Variants in PRSS16 observed in about 807,000 individuals in gnomAD.
The protein encoded by PRSS16 is thymus-specific serine protease.
PRSS16 carries 43 observed loss-of-function variants against 61.7 expected under a neutral mutation model. The ratio of observed to expected loss-of-function variants is 0.70; its 90% CI spans 0.55 to 0.90. The LOEUF is 0.90. PRSS16 is among the 40% of genes least tolerant of loss of function. The pLI, the probability that PRSS16 is intolerant of heterozygous loss-of-function variation, is 0.00. For synonymous variants in PRSS16, 273 were observed against 285.2 expected (o/e 0.96, Z 0.43); for missense variants, 591 against 659.1 (o/e 0.90, Z 1.13).
chr6:27,252,660 A>G lies in PRSS16; in HGVS notation c.1009-148A>G, dbSNP rs1046961771. On this transcript the variant is annotated intron_variant, in intron 8 of 11. Transcript: ENST00000230582. This position sits in a 1 kb window ranked among gnomAD's most constrained non-coding sequence, Gnocchi z 4.2. ...CTAACTCACAAGGACCCAGGCATCC[A>G]CCCCCTCTGACCACTGACTCCCAGG... 1 of 761,398 alleles carries G rather than the reference A, an allele frequency of 1.3e-6. No homozygotes were observed. The highest frequency in any genetic ancestry group is 1.8e-5 in the African/African-American group (1 of 56,976). The allele number at this position is 761,398 out of a possible 1,614,324, so 47.2% of individuals were successfully genotyped here.
rs987056136 is a variant in PRSS16, at chr6:27,252,891, A to G, written c.1092A>G (p.Gln364=). ...TVAQLRSTEP[Q]LSGVGDRQWL... ...CACAGCTGAGGAGCACAGAACCTCAACTGTCTGGTGTGGGTGACCGGCAGT... is the reference window on the plus strand; with the variant it reads ...CACAGCTGAGGAGCACAGAACCTCAGCTGTCTGGTGTGGGTGACCGGCAGT... The change falls in exon 9 of 12, where the codon CAA becomes CAG. Residue 364 remains glutamine (Q), a synonymous_variant. Transcript: ENST00000230582. The surrounding 1 kb of genome is among the most constrained non-coding windows in gnomAD (Gnocchi z 4.2). The G allele has an allele frequency of 4.3e-6, 7 of 1,614,102 alleles. No individual in the cohort carries two copies. Among genetic ancestry groups the G allele is most frequent in the African/African-American group, 2.7e-5 (2 of 74,938 alleles).
rs191407230 is a variant in PRSS16 at position 27,252,942 on chromosome 6, C to A, written c.1143C>A (p.Phe381Leu). ...GGTTGTATCAGACATGTACCGAGTT[C>A]GGCTTCTGTAAGTGACTGGCCTAAC... ...RQWLYQTCTE[F>L]GFYVTCENPR... The change falls in exon 9 of 12, where the codon TTC becomes TTA. Residue 381 changes from phenylalanine to leucine, a missense_variant. By Grantham distance (22) the Phe-to-Leu change is conservative (BLOSUM62 0). Coordinates refer to ENST00000230582, the MANE Select transcript of PRSS16 (RefSeq NM_005865.4). The surrounding 1 kb of genome is among the most constrained non-coding windows in gnomAD (Gnocchi z 4.2). The A allele has an allele frequency of 6.2e-7, 1 of 1,614,120 alleles. No homozygotes were observed. Among genetic ancestry groups the A allele is most frequent in the South Asian group, 1.1e-5 (1 of 91,074 alleles).
chr6:27,247,876 C>T lies in PRSS16; in HGVS notation c.71-6C>T. Reference sequence around the variant, plus strand: ...AGCCTGACTTCCTTCCCTCCATGTCCCACAGCCTCCCTTCTTAGGCGCCTG... The same window carrying T: ...AGCCTGACTTCCTTCCCTCCATGTCTCACAGCCTCCCTTCTTAGGCGCCTG... On this transcript the variant is annotated splice_region_variant and splice_polypyrimidine_tract_variant and intron_variant, in intron 1 of 11. Coordinates refer to ENST00000230582, the MANE Select transcript of PRSS16 (RefSeq NM_005865.4). 2 of 1,610,832 alleles carry T rather than the reference C, an allele frequency of 1.2e-6. No individual in the cohort carries two copies. Among genetic ancestry groups the T allele is most frequent in the South Asian group, 2.2e-5 (2 of 90,670 alleles).
In PRSS16 at chr6:27,250,812, G is replaced by A; in HGVS notation, c.591+6G>A. ...CCGCCTGGGCCCGGCTGAAGGTCCT[G>A]CGACTCCTCCGGGTGGGCTGGGGGG... On this transcript the variant is annotated splice_donor_region_variant and intron_variant, in intron 5 of 11. Transcript: ENST00000230582. 1 of 1,605,120 alleles carries A rather than the reference G, an allele frequency of 6.2e-7. No individual in the cohort carries two copies. Among genetic ancestry groups the A allele is most frequent in the Non-Finnish European group, 8.5e-7 (1 of 1,176,156 alleles).
At chr6:27,250,839 G>A (rs1351875755) in intron 5 of PRSS16, 33 bp downstream of exon 5, 2 of 1,585,388 alleles carry the variant, frequency 1.3e-6, no homozygotes, top group East Asian at 2.2e-5. Context: ...GCTGGGGGGA[G>A]GGAACTCGGA....
Position 27,252,131 on chromosome 6 carries a change from C to T in PRSS16, c.1008+91C>T. Reference sequence around the variant, plus strand: ...GTGATCTTGGGCAAGCGAGAACCTTCTCTGAAACTTCGTTTTCTCATCTGT... The same window carrying T: ...GTGATCTTGGGCAAGCGAGAACCTTTTCTGAAACTTCGTTTTCTCATCTGT... On this transcript the variant is annotated intron_variant, in intron 8 of 11. Coordinates refer to ENST00000230582, the MANE Select transcript of PRSS16 (RefSeq NM_005865.4). The surrounding 1 kb of genome is among the most constrained non-coding windows in gnomAD (Gnocchi z 4.2). The T allele has an allele frequency of 1.5e-6, 2 of 1,365,102 alleles. No individual in the cohort carries two copies. Among genetic ancestry groups the T allele is most frequent in the African/African-American group, 1.5e-5 (1 of 67,468 alleles). 84.6% of individuals were successfully genotyped at this position (1,365,102 alleles called of 1,614,324 possible). A position where few individuals can be genotyped will look rare whatever the true frequency, so the allele number is the denominator to read the frequency against.
Position 27,252,685 on chromosome 6 carries a change from GA to G in PRSS16, c.1009-122del, listed in dbSNP as rs1277274816. 2 of 1,046,970 alleles carry G rather than the reference GA, an allele frequency of 1.9e-6. No individual in the cohort carries two copies. Among genetic ancestry groups the G allele is most frequent in the Admixed American group, 2.3e-5 (1 of 44,300 alleles). The allele number at this position is 1,046,970 out of a possible 1,614,324, so 64.9% of individuals were successfully genotyped here. A position where few individuals can be genotyped will look rare whatever the true frequency, so the allele number is the denominator to read the frequency against. On this transcript the variant is annotated intron_variant, in intron 8 of 11. Transcript: ENST00000230582. The surrounding 1 kb of genome is among the most constrained non-coding windows in gnomAD (Gnocchi z 4.2). ...ACCCCCTCTGACCACTGACTCCCAG[GA>G]GAACTCAGGAACTCACCCTTCTATT...
At position 27,251,324 on chromosome 6, in the gene PRSS16, G is replaced by T; in HGVS notation, c.717+60G>T. 6.5e-7 allele frequency: 1 copy of T among 1,535,898 alleles called. No individual in the cohort carries two copies. On this transcript the variant is annotated intron_variant, in intron 7 of 11. Transcript: ENST00000230582. The surrounding 1 kb of genome is among the most constrained non-coding windows in gnomAD (Gnocchi z 5.6). ...AGGGAAAAGAGGCCTCGGATGCCAG[G>T]GAAGAGGAGGCCAGAGAAGGGCGAA...
Position 27,248,838 on chromosome 6 carries a change from A to G in PRSS16, c.238-9A>G, listed in dbSNP as rs769931775. The stretch of plus-strand genomic sequence containing the variant: ...AGTGCCATTTCTTCTTCCCCATCCC[A>G]CCTCTCAGCGTTACTGGGTGAATGA... On this transcript the variant is annotated splice_polypyrimidine_tract_variant and intron_variant, in intron 2 of 11. Transcript: ENST00000230582. 6.4e-6 allele frequency: 10 copies of G among 1,574,640 alleles called. No individual in the cohort carries two copies. Among genetic ancestry groups the G allele is most frequent in the Non-Finnish European group, 8.7e-6 (10 of 1,154,128 alleles).
In PRSS16 at chr6:27,248,964, G is replaced by C. The variant is rs375115069; in HGVS notation, c.337+18G>C. 6.3e-7 allele frequency: 1 copy of C among 1,590,712 alleles called. No homozygotes were observed. Among genetic ancestry groups the C allele is most frequent in the Non-Finnish European group, 8.6e-7 (1 of 1,163,740 alleles). ...GATGAGAGGTAAGAGGCAATGTTGGGGGAAAGGAGTTGGGATGCTGGTGGG... is the reference window on the plus strand; with the variant it reads ...GATGAGAGGTAAGAGGCAATGTTGGCGGAAAGGAGTTGGGATGCTGGTGGG... On this transcript the variant is annotated intron_variant, in intron 3 of 11. Transcript: ENST00000230582.
Position 27,252,078 on chromosome 6 carries a change from A to T in PRSS16, c.1008+38A>T. The T allele has an allele frequency of 6.9e-7, 1 of 1,451,460 alleles. No homozygotes were observed. The highest frequency in any genetic ancestry group is 9.0e-7 in the Non-Finnish European group (1 of 1,107,280). The allele number at this position is 1,451,460 out of a possible 1,614,324, so 89.9% of individuals were successfully genotyped here. ...TGGCACAGCTGGGAGGAGTTAGCGG[A>T]CAAAGATTCCTGCCCCACTTCCGTT... On this transcript the variant is annotated intron_variant, in intron 8 of 11. Coordinates refer to ENST00000230582, the MANE Select transcript of PRSS16 (RefSeq NM_005865.4). The surrounding 1 kb of genome is among the most constrained non-coding windows in gnomAD (Gnocchi z 4.2).
chr6:27,250,837 G>A (rs1759869429), intron 5 of PRSS16, 31 bp downstream of exon 5: 1 of 1,586,368 alleles, frequency 6.3e-7, no homozygotes, highest in East Asian at 2.2e-5. Flanking sequence ...GGGCTGGGGG[G>A]AGGGAACTCG....
Position 27,256,274 on chromosome 6 carries a change from T to TAGAAGTACCAAGCTAGAGAA in PRSS16, c.*959_*960insAGAAGTACCAAGCTAGAGAA, listed in dbSNP as rs1208503938. 2 of 152,708 alleles carry TAGAAGTACCAAGCTAGAGAA rather than the reference T, an allele frequency of 1.3e-5. No homozygotes were observed. Among genetic ancestry groups the TAGAAGTACCAAGCTAGAGAA allele is most frequent in the African/African-American group, 4.8e-5 (2 of 41,370 alleles). 9.5% of individuals were successfully genotyped at this position (152,708 alleles called of 1,614,324 possible). A position where few individuals can be genotyped will look rare whatever the true frequency, so the allele number is the denominator to read the frequency against. ...AATATCACTCCCTGGTACTTCCAGC[T>TAGAAGTACCAAGCTAGAGAA]TCCAACTCTAGGGATTCATGATTCT... On this transcript the variant is annotated 3_prime_UTR_variant, in exon 12 of 12. Coordinates refer to ENST00000230582, the MANE Select transcript of PRSS16 (RefSeq NM_005865.4).
rs192968631 is a variant in PRSS16, at chr6:27,255,772, T to G, written c.*457T>G. 21 of 158,940 alleles carry G rather than the reference T, an allele frequency of 1.3e-4. No homozygotes were observed. The highest frequency in any genetic ancestry group is 6.4e-3 in the Middle Eastern group (2 of 312). The allele number at this position is 158,940 out of a possible 1,614,324, so 9.8% of individuals were successfully genotyped here. A position where few individuals can be genotyped will look rare whatever the true frequency, so the allele number is the denominator to read the frequency against. ...CCTCTCTCTTTCCCCTGTCACTATT[T>G]GTCTTTCTAATCTCCTTCTGTTTCT... On this transcript the variant is annotated 3_prime_UTR_variant, in exon 12 of 12. Transcript: ENST00000230582. This position sits in a 1 kb window ranked among gnomAD's most constrained non-coding sequence, Gnocchi z 4.4.
rs1257368095 is a variant in PRSS16 at position 27,252,288 on chromosome 6, C to A, written c.1008+248C>A. 14 of 518,610 alleles carry A rather than the reference C, an allele frequency of 2.7e-5. No homozygotes were observed. In the South Asian group the frequency reaches 5.2e-4, roughly 19 times the overall value. The allele number at this position is 518,610 out of a possible 1,614,324, so 32.1% of individuals were successfully genotyped here. On this transcript the variant is annotated intron_variant, in intron 8 of 11. Coordinates refer to ENST00000230582, the MANE Select transcript of PRSS16 (RefSeq NM_005865.4). The surrounding 1 kb of genome is among the most constrained non-coding windows in gnomAD (Gnocchi z 4.2). ...GCGATTATTACCTATTTTGCCTATC[C>A]TGTCCTGTTCTCTTTTGGGGGGCCT...
chr6:27,255,216 T>G lies in PRSS16; in HGVS notation c.1477-31T>G, dbSNP rs2113739379. The G allele has an allele frequency of 6.2e-7, 1 of 1,613,974 alleles. No homozygotes were observed. On this transcript the variant is annotated intron_variant, in intron 11 of 11. Coordinates refer to ENST00000230582, the MANE Select transcript of PRSS16 (RefSeq NM_005865.4). The surrounding 1 kb of genome is among the most constrained non-coding windows in gnomAD (Gnocchi z 4.4). ...CCCTCCTTCTGCTGGTGCTGAAATC[T>G]GACTTTCAAATTCTTCCCACCTCCC...
At chr6:27,248,079 C>T in intron 2 of PRSS16, 31 bp downstream of exon 2, 1 of 1,599,142 alleles carries the variant, frequency 6.3e-7, no homozygotes, top group Non-Finnish European at 8.5e-7. Flanking sequence ...GTCCACTAAC[C>T]ATCCTGCCCT....
At chr6:27,254,434 T>G in intron 9 of PRSS16, 1 of 462,374 alleles carries the variant, frequency 2.2e-6, no homozygotes, top group Non-Finnish European at 3.9e-6. Context: ...CAAGGTCTTA[T>G]CCTTTGCAGG....
chr6:27,254,694 T>A lies in PRSS16; in HGVS notation c.1152T>A (p.Tyr384Ter). ...LYQTCTEFGF[Y>*]VTCENPRCPF... ...ACTTACAGGTATCTCCCTACACAGA[T>A]GTCACCTGTGAGAATCCCAGATGTC... is the stretch of plus-strand genomic sequence containing the variant. Residue 384 changes from tyrosine to a stop codon, truncating the protein, a stop_gained and splice_region_variant, in exon 10 of 12, where the codon TAT (tyrosine) becomes TAA (stop). Coordinates refer to ENST00000230582, the MANE Select transcript of PRSS16 (RefSeq NM_005865.4). LOFTEE classifies it high-confidence loss of function. 6.2e-7 allele frequency: 1 copy of A among 1,610,536 alleles called. No individual in the cohort carries two copies.
Sources: allele counts gnomAD v4.1 joint callset, GRCh38; gene constraint gnomAD v4.1.1; non-coding constraint Gnocchi (gnomAD v3.1); transcripts MANE v1.5; gene names NCBI Gene and HGNC (gene_info 2026-07-23, HGNC 2026-07-21).